The following TSHZ2 variants were observed in gnomAD, a reference collection of about 807,000 sequenced individuals.
TSHZ2 encodes teashirt zinc finger homeobox 2, also known as teashirt homolog 2.
A neutral mutation model predicts 74.4 loss-of-function variants in TSHZ2; 21 were observed. The observed-to-expected ratio is 0.28, with a 90% CI of 0.20 to 0.41. The LOEUF (loss-of-function observed/expected upper bound fraction) is 0.41, where lower values mean the gene tolerates loss of function less well. Among genes scored for constraint, TSHZ2 ranks in the 10% least tolerant of loss-of-function variants. The pLI is 1.00. For missense variants in TSHZ2, 1,244 were observed against 1,293.5 expected (o/e 0.96, Z 0.59); for synonymous variants, 540 against 515.3 (o/e 1.05, Z -0.65).
chr20:53,031,692 A>G (rs1235840365), intron 1 of TSHZ2, among the ~76,000 whole-genome samples: 1 of 152,124 alleles, frequency 6.6e-6, no homozygotes, highest in Non-Finnish European at 1.5e-5. Context: ...GCAGAATGTT[A>G]ATTTCCTTAA....
intron 1 of TSHZ2, among the ~76,000 whole-genome samples, chr20:53,230,385 C>T (rs1047010900): frequency 6.6e-6 from 1 of 151,988 alleles, no homozygotes; most frequent in African/African-American, 2.4e-5. Context: ...TTCTCCTTTC[C>T]CTCAAATAAC....
At chr20:53,315,156 G>A (rs762272800) in intron 2 of TSHZ2, among the ~76,000 whole-genome samples, 3 of 152,144 alleles carry the variant, frequency 2.0e-5, no homozygotes, top group Non-Finnish European at 4.4e-5. Flanking sequence ...TTTGGAAATC[G>A]CTACACTCTT....
intron 2 of TSHZ2, among the ~76,000 whole-genome samples, chr20:53,469,555 G>GGGAA (rs142116366): frequency 0.14 from 10,714 of 78,172 alleles, 1,324 homozygotes; most frequent in Non-Finnish European, 0.18. Context: ...GAAAGAAGGA[G>GGGAA]GGAAGGAAGG....
chr20:53,453,268 G>T (rs969385834), intron 2 of TSHZ2, among the ~76,000 whole-genome samples: 12 of 152,168 alleles, frequency 7.9e-5, no homozygotes, highest in Non-Finnish European at 1.6e-4. Flanking sequence ...TTCCAGGGAG[G>T]GCAGATGGCG....
intron 2 of TSHZ2, among the ~76,000 whole-genome samples, chr20:53,302,516 G>A (rs960099054): frequency 6.6e-6 from 1 of 152,110 alleles, no homozygotes; most frequent in Non-Finnish European, 1.5e-5. Flanking sequence ...ATATTCTGTT[G>A]CCTAACCTGC....
chr20:53,187,099 C>G (rs1456020874), intron 1 of TSHZ2, among the ~76,000 whole-genome samples: 1 of 152,016 alleles, frequency 6.6e-6, no homozygotes, highest in Admixed American at 6.6e-5. Flanking sequence ...TTTTAGAATC[C>G]AATATAGCAT....
intron 2 of TSHZ2, among the ~76,000 whole-genome samples, chr20:53,330,049 G>A (rs1247599596): frequency 4.6e-5 from 7 of 152,134 alleles, no homozygotes; most frequent in African/African-American, 1.7e-4. Flanking sequence ...CGATACAATG[G>A]CAGAGTTACA....
intron 2 of TSHZ2, among the ~76,000 whole-genome samples, chr20:53,401,551 C>T (rs1482852438): frequency 3.6e-5 from 1 of 27,730 alleles, no homozygotes; most frequent in Non-Finnish European, 7.5e-5. Flanking sequence ...TCCTTCCAAC[C>T]CCTCCCCCCC....
At chr20:53,451,556 T>A (rs770350374) in intron 2 of TSHZ2, among the ~76,000 whole-genome samples, 16 of 152,218 alleles carry the variant, frequency 1.1e-4, no homozygotes, top group Admixed American at 2.0e-4. Flanking sequence ...TTTCCTTAAT[T>A]CTTTATCTGG....
At chr20:53,455,829 C>A (rs868634955) in intron 2 of TSHZ2, among the ~76,000 whole-genome samples, 1 of 150,862 alleles carries the variant, frequency 6.6e-6, no homozygotes, top group Non-Finnish European at 1.5e-5. Context: ...TTTGTTCTTG[C>A]GATAGTTTAC....
At chr20:53,428,108 C>A (rs1370741926) in intron 2 of TSHZ2, among the ~76,000 whole-genome samples, 1 of 152,140 alleles carries the variant, frequency 6.6e-6, no homozygotes, top group Non-Finnish European at 1.5e-5. Flanking sequence ...AGCACTGATT[C>A]CAGGAATGAG....
At chr20:53,154,015 C>G (rs1287177639) in intron 1 of TSHZ2, among the ~76,000 whole-genome samples, 1 of 152,218 alleles carries the variant, frequency 6.6e-6, no homozygotes, top group African/African-American at 2.4e-5. Flanking sequence ...GTGCTTACTT[C>G]TATTGCATTC....
chr20:53,280,750 T>C (rs1991043324), intron 2 of TSHZ2, among the ~76,000 whole-genome samples: 1 of 152,072 alleles, frequency 6.6e-6, no homozygotes, highest in African/African-American at 2.4e-5. Flanking sequence ...TGGAGTACAG[T>C]GGCGCGATCT....
intron 2 of TSHZ2, among the ~76,000 whole-genome samples, chr20:53,449,611 A>G (rs563942227): frequency 1.3e-5 from 2 of 152,322 alleles, no homozygotes; most frequent in African/African-American, 4.8e-5. Context: ...CTATTCCCCA[A>G]ACAAGACTGT....
intron 2 of TSHZ2, among the ~76,000 whole-genome samples, chr20:53,462,919 G>T (rs1985424685): frequency 6.6e-6 from 1 of 152,178 alleles, no homozygotes; most frequent in African/African-American, 2.4e-5. Flanking sequence ...CCATGAGCCA[G>T]TTGACCCTTC....
rs1292281170 is a variant in TSHZ2, at chr20:53,469,615, AGAGAGGGAGG to A, written c.*9-17528_*9-17519del. The stretch of plus-strand genomic sequence containing the variant: ...AAGGAAGGACCCAAGAAAGATAGAT[AGAGAGGGAGG>A]AAGGGAGGGAGGAAGGAAGGAAGGA... On this transcript the variant is annotated intron_variant, in intron 2 of 2. Coordinates refer to ENST00000371497, the MANE Select transcript of TSHZ2 (RefSeq NM_173485.6). Among the ~76,000 whole-genome samples, 3 of 62,912 alleles carry A rather than the reference AGAGAGGGAGG, an allele frequency of 4.8e-5. 1 individual carries two copies. In the East Asian group the frequency reaches 2.5e-3, roughly 53 times the overall value. 41.3% of individuals were successfully genotyped at this position (62,912 alleles called of 152,430 possible). A position where few individuals can be genotyped will look rare whatever the true frequency, so the allele number is the denominator to read the frequency against.
chr20:53,393,134 G>A (rs1189867183), intron 2 of TSHZ2, among the ~76,000 whole-genome samples: 1 of 152,074 alleles, frequency 6.6e-6, no homozygotes, highest in African/African-American at 2.4e-5. Context: ...GGCCCAATAG[G>A]TAGTTTTTCA....
At chr20:53,412,183 T>A (rs529668846) in intron 2 of TSHZ2, among the ~76,000 whole-genome samples, 1 of 152,300 alleles carries the variant, frequency 6.6e-6, no homozygotes, top group Non-Finnish European at 1.5e-5. Context: ...ACACGTCCGG[T>A]CCTGCTCTGG....
At chr20:53,064,764 G>A (rs1191743959) in intron 1 of TSHZ2, among the ~76,000 whole-genome samples, 2 of 152,068 alleles carry the variant, frequency 1.3e-5, no homozygotes, top group Non-Finnish European at 2.9e-5. Flanking sequence ...GATAATTGCT[G>A]TGCTAATGAA....
Sources: gnomAD v4.1 joint callset for allele counts (sites outside exome capture counted in the v4.1 genomes callset) on GRCh38, gnomAD v4.1.1 for gene constraint, MANE v1.5 for transcripts, NCBI Gene and HGNC (gene_info 2026-07-23, HGNC 2026-07-21) for gene names.